NELL1: variants seen among roughly 807,000 people sequenced by gnomAD.
NELL1 encodes protein kinase C-binding protein NELL1.
Under a neutral mutation model 107.4 loss-of-function variants are expected in NELL1, and 76 were observed. That is an observed-to-expected ratio of 0.71 (90% CI 0.59 to 0.86). The LOEUF (loss-of-function observed/expected upper bound fraction) is 0.86. Among genes scored for constraint, NELL1 ranks in the 40% least tolerant of loss-of-function variants. NELL1 has a pLI of 0.00. For synonymous variants in NELL1, 353 were observed against 341.2 expected, an observed-to-expected ratio of 1.03 and a Z score of -0.38; for missense variants, 1,024 against 1,005.5, an observed-to-expected ratio of 1.02 and a Z score of -0.25.
intron 13 of NELL1, among the ~76,000 whole-genome samples, chr11:21,119,291 G>A (rs533035582): frequency 1.5e-4 from 23 of 150,792 alleles, no homozygotes; most frequent in African/African-American, 4.6e-4. Context: ...CTACACCTGA[G>A]ACAGTGGATG....
chr11:21,481,322 C>T (rs1854486641), intron 15 of NELL1, among the ~76,000 whole-genome samples: 1 of 152,078 alleles, frequency 6.6e-6, no homozygotes, highest in South Asian at 2.1e-4. Context: ...CTGTGGAGAG[C>T]TCAGAAAAGA....
chr11:21,380,043 G>T (rs1455369460), intron 15 of NELL1, among the ~76,000 whole-genome samples: 1 of 152,048 alleles, frequency 6.6e-6, no homozygotes, highest in African/African-American at 2.4e-5. Flanking sequence ...AGGGCATCTG[G>T]GGGGAGAATG....
chr11:21,329,636 T>A (rs1464090223), intron 14 of NELL1, among the ~76,000 whole-genome samples: 1 of 152,192 alleles, frequency 6.6e-6, no homozygotes, highest in Non-Finnish European at 1.5e-5. Context: ...TTTTAAAGTA[T>A]ACATATAAGC....
intron 13 of NELL1, among the ~76,000 whole-genome samples, chr11:21,133,340 G>T (rs1335792889): frequency 6.6e-6 from 1 of 152,118 alleles, no homozygotes; most frequent in Non-Finnish European, 1.5e-5. Context: ...ATTCCAGTTG[G>T]CAGAACTGAC....
In NELL1 at chr11:20,810,707, AC is replaced by A. The variant is rs1857484839; in HGVS notation, c.335+26879del. ...GTGCAAGTTTCTTTTTTGTATAATG[AC>A]CTCTTTTCCTCTGGGTAGATACCCA... On this transcript the variant is annotated intron_variant, in intron 3 of 19. Coordinates refer to ENST00000357134, the MANE Select transcript of NELL1 (RefSeq NM_006157.5). 2.0e-5 allele frequency among the ~76,000 whole-genome samples: 3 copies of A among 152,018 alleles called. No homozygotes were observed. In the South Asian group the frequency reaches 6.2e-4, roughly 32 times the overall value.
chr11:20,763,908 C>T (rs1343977776), intron 2 of NELL1, among the ~76,000 whole-genome samples: 1 of 152,146 alleles, frequency 6.6e-6, no homozygotes, highest in Non-Finnish European at 1.5e-5. Flanking sequence ...TCTTCAATCC[C>T]AGGTGCATAG....
At chr11:21,152,325 G>A (rs531296930) in intron 13 of NELL1, among the ~76,000 whole-genome samples, 13 of 152,174 alleles carry the variant, frequency 8.5e-5, no homozygotes, top group East Asian at 3.9e-4. Context: ...CTTTCCCAGC[G>A]TAGTATTTTG....
At chr11:21,080,892 TAC>T (rs566384683) in intron 12 of NELL1, among the ~76,000 whole-genome samples, 25 of 150,444 alleles carry the variant, frequency 1.7e-4, no homozygotes, top group East Asian at 5.8e-4. Context: ...ATATATTACA[TAC>T]ACACACACAC....
At chr11:21,430,225 G>A (rs1392524587) in intron 15 of NELL1, among the ~76,000 whole-genome samples, 1 of 152,086 alleles carries the variant, frequency 6.6e-6, no homozygotes, top group Non-Finnish European at 1.5e-5. Flanking sequence ...CTAATTAAAA[G>A]CTTACTTAAA....
chr11:21,109,849 C>T (rs1288203473), intron 12 of NELL1, among the ~76,000 whole-genome samples: 1 of 152,090 alleles, frequency 6.6e-6, no homozygotes, highest in African/African-American at 2.4e-5. Flanking sequence ...CGTTTATAAT[C>T]AGATTTGCTT....
intron 13 of NELL1, among the ~76,000 whole-genome samples, chr11:21,126,603 A>T (rs10833464): frequency 0.29 from 43,588 of 152,118 alleles, 6,564 homozygotes; most frequent in Non-Finnish European, 0.34. Context: ...CAACCCAATG[A>T]CTGAGTCCTA....
intron 13 of NELL1, among the ~76,000 whole-genome samples, chr11:21,167,424 G>T (rs1398858201): frequency 6.6e-6 from 1 of 151,750 alleles, no homozygotes; most frequent in African/African-American, 2.4e-5. Flanking sequence ...AGCCCTGGTT[G>T]GCTTAAGCAG....
intron 14 of NELL1, among the ~76,000 whole-genome samples, chr11:21,276,272 A>C (rs1848856075): frequency 6.6e-6 from 1 of 152,118 alleles, no homozygotes; most frequent in South Asian, 2.1e-4. Flanking sequence ...CAGAGAGCCA[A>C]ATCATGAGTG....
chr11:20,808,266 C>G (rs192403182), intron 3 of NELL1, among the ~76,000 whole-genome samples: 47 of 152,076 alleles, frequency 3.1e-4, no homozygotes, highest in Non-Finnish European at 4.3e-4. Flanking sequence ...TTCAAGTCAG[C>G]AGGTTCCCCT....
intron 14 of NELL1, among the ~76,000 whole-genome samples, chr11:21,341,816 AG>A (rs1398735313): frequency 6.6e-6 from 1 of 152,254 alleles, no homozygotes; most frequent in Non-Finnish European, 1.5e-5. Context: ...TAGAGCTTTT[AG>A]AGTTCCTTTA....
intron 3 of NELL1, among the ~76,000 whole-genome samples, chr11:20,793,498 A>C (rs1486238325): frequency 6.6e-6 from 1 of 152,026 alleles, no homozygotes; most frequent in Non-Finnish European, 1.5e-5. Flanking sequence ...AAATTCATTG[A>C]TTCCTACTTC....
intron 2 of NELL1, among the ~76,000 whole-genome samples, chr11:20,762,084 T>C (rs915582600): frequency 2.0e-5 from 3 of 152,244 alleles, no homozygotes; most frequent in Non-Finnish European, 2.9e-5. Context: ...GGTCTGACCA[T>C]GTCTCTTAGA....
intron 3 of NELL1, among the ~76,000 whole-genome samples, chr11:20,814,003 A>T (rs964162365): frequency 1.5e-4 from 22 of 150,762 alleles, no homozygotes; most frequent in South Asian, 6.3e-4. Context: ...TTATTTATTT[A>T]TTTTTTTGTA....
intron 12 of NELL1, among the ~76,000 whole-genome samples, chr11:21,025,673 C>A (rs950708372): frequency 6.6e-6 from 1 of 152,106 alleles, no homozygotes; most frequent in African/African-American, 2.4e-5. Context: ...GTGATCTGAT[C>A]TTGTTCTGTG....
Sources: gnomAD v4.1 joint callset for allele counts (sites outside exome capture counted in the v4.1 genomes callset) on GRCh38, gnomAD v4.1.1 for gene constraint, MANE v1.5 for transcripts, NCBI Gene and HGNC (gene_info 2026-07-23, HGNC 2026-07-21) for gene names.